Variants in ANKRD55 observed in about 807,000 individuals in gnomAD.
The protein encoded by ANKRD55 is ankyrin repeat domain-containing protein 55.
Under a neutral mutation model 60.6 loss-of-function variants are expected in ANKRD55, and 41 were observed. The ratio of observed to expected loss-of-function variants is 0.68; its 90% confidence interval spans 0.53 to 0.88. The LOEUF (loss-of-function observed/expected upper bound fraction) is 0.88, where lower values mean the gene tolerates loss of function less well. Among genes scored for constraint, ANKRD55 ranks in the 40% least tolerant of loss-of-function variants. ANKRD55 has a pLI of 0.00. For synonymous variants in ANKRD55, 264 were observed against 290.3 expected, an observed-to-expected ratio of 0.91 and a Z score of 0.92; for missense variants, 732 against 767.6, an observed-to-expected ratio of 0.95 and a Z score of 0.55.
intron 5 of ANKRD55, 103 bp downstream of exon 5, chr5:56,170,591 T>G: frequency 1.1e-6 from 1 of 901,202 alleles, no homozygotes; most frequent in Non-Finnish European, 1.7e-6. Flanking sequence ...AAAGATGGTT[T>G]TCTTTTTCTT....
chr5:56,231,635 G>A (rs1581037328), intron 2 of ANKRD55, among the ~76,000 whole-genome samples: 2 of 149,084 alleles, frequency 1.3e-5, no homozygotes, highest in Non-Finnish European at 1.5e-5. Flanking sequence ...GGTATGAGCC[G>A]GCACGTTCTG....
intron 2 of ANKRD55, among the ~76,000 whole-genome samples, chr5:56,185,289 T>A (rs1472777227): frequency 1.3e-5 from 2 of 151,726 alleles, no homozygotes; most frequent in Non-Finnish European, 2.9e-5. Flanking sequence ...GGGAGGTGAG[T>A]TCTGCTCAAG....
intron 8 of ANKRD55, among the ~76,000 whole-genome samples, chr5:56,120,853 C>A (rs528196116): frequency 6.7e-6 from 1 of 148,496 alleles, no homozygotes; most frequent in Non-Finnish European, 1.5e-5. Context: ...GAGCCAAGAT[C>A]GCGCCACTGC....
chr5:56,214,485 C>G (rs1291520398), intron 2 of ANKRD55, among the ~76,000 whole-genome samples: 1 of 152,188 alleles, frequency 6.6e-6, no homozygotes, highest in Non-Finnish European at 1.5e-5. Flanking sequence ...TAACCCACAC[C>G]AACAGTTTCA....
intron 5 of ANKRD55, among the ~76,000 whole-genome samples, chr5:56,166,155 T>TA (rs1758467905): frequency 2.6e-4 from 13 of 50,472 alleles, no homozygotes; most frequent in Admixed American, 1.9e-3. Flanking sequence ...TCTTTCTTTC[T>TA]TCTTTCCTTC....
intron 2 of ANKRD55, among the ~76,000 whole-genome samples, chr5:56,228,216 G>T (rs1294747636): frequency 6.6e-6 from 1 of 152,052 alleles, no homozygotes; most frequent in Non-Finnish European, 1.5e-5. Flanking sequence ...AGTTTATCCT[G>T]GATTATCTGG....
intron 4 of ANKRD55, among the ~76,000 whole-genome samples, chr5:56,175,646 GCGTTGTCC>G (rs2111821409): frequency 6.6e-6 from 1 of 152,092 alleles, no homozygotes; most frequent in South Asian, 2.1e-4. Context: ...CATCTGCTTG[GCGTTGTCC>G]CTTTAAGAGC....
chr5:56,205,512 A>G (rs1759479724), intron 2 of ANKRD55, among the ~76,000 whole-genome samples: 1 of 152,246 alleles, frequency 6.6e-6, no homozygotes, highest in Admixed American at 6.5e-5. Context: ...GTGTTTAAGC[A>G]GGTTCTGACC....
intron 7 of ANKRD55, chr5:56,127,363 C>A: frequency 1.0e-6 from 1 of 985,000 alleles, no homozygotes; most frequent in Non-Finnish European, 1.2e-6. Flanking sequence ...AACTAGTGAA[C>A]GAAGGATGGA....
At chr5:56,150,242 A>G (rs1468110666) in intron 6 of ANKRD55, among the ~76,000 whole-genome samples, 1 of 152,158 alleles carries the variant, frequency 6.6e-6, no homozygotes, top group Non-Finnish European at 1.5e-5. Context: ...TGCCACCTCT[A>G]TAAATTATAG....
At chr5:56,226,799 C>T (rs1227579884) in intron 2 of ANKRD55, among the ~76,000 whole-genome samples, 1 of 152,182 alleles carries the variant, frequency 6.6e-6, no homozygotes, top group Non-Finnish European at 1.5e-5. Flanking sequence ...TACCATCTCA[C>T]ACCAGTTAGA....
chr5:56,164,314 C>A (rs1192549000), intron 5 of ANKRD55, among the ~76,000 whole-genome samples: 1 of 151,916 alleles, frequency 6.6e-6, no homozygotes, highest in African/African-American at 2.4e-5. Flanking sequence ...AGCGCAGTGA[C>A]AGGTGGGAAA....
intron 2 of ANKRD55, among the ~76,000 whole-genome samples, chr5:56,186,698 A>G (rs1758983474): frequency 6.6e-6 from 1 of 152,210 alleles, no homozygotes; most frequent in African/African-American, 2.4e-5. Context: ...TCTCTTGTTG[A>G]TGATGATTAG....
At chr5:56,228,139 T>C (rs757669028) in intron 2 of ANKRD55, among the ~76,000 whole-genome samples, 8 of 152,112 alleles carry the variant, frequency 5.3e-5, no homozygotes, top group Non-Finnish European at 8.8e-5. Context: ...TTCCCTTACA[T>C]GGCAAGAGAG....
chr5:56,137,468 T>TC, intron 7 of ANKRD55: 1 of 805,848 alleles, frequency 1.2e-6, no homozygotes, highest in East Asian at 2.4e-5. Flanking sequence ...AAGAGGAGAT[T>TC]GCCCAGAAGA....
chr5:56,220,126 T>C (rs902870275), intron 2 of ANKRD55, among the ~76,000 whole-genome samples: 13 of 152,218 alleles, frequency 8.5e-5, no homozygotes, highest in African/African-American at 3.1e-4. Flanking sequence ...CAAGTGAGTC[T>C]CTATTCTCTC....
At chr5:56,183,689 A>G (rs1758904397) in intron 2 of ANKRD55, 55 bp from the exon 3 acceptor site, 2 of 1,599,758 alleles carry the variant, frequency 1.3e-6, no homozygotes, top group Non-Finnish European at 1.7e-6. Context: ...CACTGAAAGA[A>G]TAACAATACC....
chr5:56,204,550 C>T (rs575170493), intron 2 of ANKRD55, among the ~76,000 whole-genome samples: 25 of 152,086 alleles, frequency 1.6e-4, no homozygotes, highest in Non-Finnish European at 3.1e-4. Flanking sequence ...CTTTGCTTGG[C>T]ACTTCTCCTT....
chr5:56,173,403 G>A (rs1180278224), intron 4 of ANKRD55, among the ~76,000 whole-genome samples: 2 of 151,282 alleles, frequency 1.3e-5, no homozygotes, highest in Non-Finnish European at 1.5e-5. Context: ...TCACCATGTT[G>A]CCCAGGCTGG....
Sources: gnomAD v4.1 joint callset for allele counts (sites outside exome capture counted in the v4.1 genomes callset) on GRCh38, gnomAD v4.1.1 for gene constraint, MANE v1.5 for transcripts, NCBI Gene and HGNC (gene_info 2026-07-23, HGNC 2026-07-21) for gene names.